The following LYPD6B variants were observed in gnomAD, a reference collection of about 807,000 sequenced individuals.
LYPD6B encodes the protein ly6/PLAUR domain-containing protein 6B.
In LYPD6B, 17 loss-of-function variants were observed where a neutral mutation model predicts 22.8. That is an observed-to-expected ratio of 0.75 (90% CI 0.51 to 1.12). LYPD6B has a LOEUF of 1.12. Among genes scored for constraint, LYPD6B ranks in the 50% most tolerant of loss-of-function variants. The probability of loss-of-function intolerance (pLI) is 0.00; values close to 1 mark genes in which losing one functional copy is unlikely to be tolerated. For missense variants in LYPD6B, 221 were observed against 258.3 expected (o/e 0.86, Z 0.99); for synonymous variants, 106 against 91.6 (o/e 1.16, Z -0.90).
chr2:149,167,257 A>G (rs1357437090), intron 3 of LYPD6B, among the ~76,000 whole-genome samples: 2 of 152,158 alleles, frequency 1.3e-5, no homozygotes, highest in Non-Finnish European at 2.9e-5. Flanking sequence ...AGAATGGCCC[A>G]GGACAGACTA....
In LYPD6B at chr2:149,191,634, A is replaced by G. The variant is rs576742174; in HGVS notation, c.78-13619A>G. The stretch of plus-strand genomic sequence containing the variant: ...CTAGTCATTCTCCAAATGAAATAGT[A>G]AATTACCTACTCCAACTCATACTAT... On this transcript the variant is annotated intron_variant, in intron 3 of 6. Transcript: ENST00000409642. Among the ~76,000 whole-genome samples the G allele has an allele frequency of 3.9e-5, 6 of 152,326 alleles. No homozygotes were observed. The East Asian group carries it at 1.2e-3, about 29-fold the overall frequency.
At chr2:149,099,226 A>G (rs1467188431) in intron 1 of LYPD6B, among the ~76,000 whole-genome samples, 1 of 152,150 alleles carries the variant, frequency 6.6e-6, no homozygotes, top group Non-Finnish European at 1.5e-5. Context: ...GTTAAACCCG[A>G]ATTACAGTAA....
At chr2:149,125,407 A>G (rs1687642733) in intron 1 of LYPD6B, among the ~76,000 whole-genome samples, 1 of 152,168 alleles carries the variant, frequency 6.6e-6, no homozygotes, top group African/African-American at 2.4e-5. Context: ...TCTTCCACCC[A>G]GGGAAGCCAC....
rs118050149 is a variant in LYPD6B, at chr2:149,105,853, G to T, written c.-66-25030G>T. On this transcript the variant is annotated intron_variant, in intron 1 of 6. Transcript: ENST00000409642. Reference sequence around the variant, plus strand: ...AATACTGAACAGAATGGTGAGAGCAGACATCTTTGTTTCTCCTCATAAGGG... The same window carrying T: ...AATACTGAACAGAATGGTGAGAGCATACATCTTTGTTTCTCCTCATAAGGG... Among the ~76,000 whole-genome samples the T allele has an allele frequency of 7.9e-5, 12 of 152,208 alleles. No individual in the cohort carries two copies. In the East Asian group the frequency reaches 2.3e-3, roughly 29 times the overall value.
intron 1 of LYPD6B, among the ~76,000 whole-genome samples, chr2:149,128,980 C>T (rs1263097158): frequency 6.6e-6 from 1 of 152,166 alleles, no homozygotes; most frequent in African/African-American, 2.4e-5. Context: ...GGAGACTTTA[C>T]CTGGGGAACC....
At chr2:149,161,981 G>C (rs146225102) in intron 3 of LYPD6B, among the ~76,000 whole-genome samples, 2 of 152,172 alleles carry the variant, frequency 1.3e-5, no homozygotes, top group Admixed American at 1.3e-4. Flanking sequence ...GGCATATTGG[G>C]TGGAATGTGA....
chr2:149,142,981 C>A (rs1289332565), intron 2 of LYPD6B, among the ~76,000 whole-genome samples: 1 of 152,174 alleles, frequency 6.6e-6, no homozygotes, highest in Non-Finnish European at 1.5e-5. Flanking sequence ...ACAAAGAGTT[C>A]ACATATACCC....
chr2:149,143,894 G>A (rs2105785146), intron 2 of LYPD6B: 1 of 152,260 alleles, frequency 6.6e-6, no homozygotes. Flanking sequence ...GGCAAAGAAA[G>A]GATTCTGTGG....
chr2:149,136,279 T>C (rs1438926660), intron 2 of LYPD6B, among the ~76,000 whole-genome samples: 1 of 152,212 alleles, frequency 6.6e-6, no homozygotes, highest in African/African-American at 2.4e-5. Context: ...TGCCTGAAAG[T>C]ATTTATCTGA....
chr2:149,165,350 T>G (rs1439066897), intron 3 of LYPD6B, among the ~76,000 whole-genome samples: 1 of 152,200 alleles, frequency 6.6e-6, no homozygotes, highest in Non-Finnish European at 1.5e-5. Flanking sequence ...CTGCAAAGAA[T>G]GCATGGCCAT....
intron 3 of LYPD6B, among the ~76,000 whole-genome samples, chr2:149,176,407 T>C (rs1691311782): frequency 6.6e-6 from 1 of 152,198 alleles, no homozygotes; most frequent in Non-Finnish European, 1.5e-5. Context: ...AACCACCTGG[T>C]GAGCTCAGGA....
chr2:149,140,127 A>C (rs1369653075), intron 2 of LYPD6B, among the ~76,000 whole-genome samples: 1 of 152,170 alleles, frequency 6.6e-6, no homozygotes, highest in Non-Finnish European at 1.5e-5. Context: ...CTCCCAGAGG[A>C]CCATGTGCAT....
chr2:149,141,275 G>C (rs929063629), intron 2 of LYPD6B, among the ~76,000 whole-genome samples: 1 of 152,192 alleles, frequency 6.6e-6, no homozygotes, highest in South Asian at 2.1e-4. Context: ...GGAACCATGC[G>C]TGCAAAGTCC....
At chr2:149,209,481 T>C (rs1693707462) in intron 5 of LYPD6B, among the ~76,000 whole-genome samples, 1 of 152,144 alleles carries the variant, frequency 6.6e-6, no homozygotes, top group South Asian at 2.1e-4. Flanking sequence ...TTTTAGGATG[T>C]ACTGTTTTTT....
chr2:149,055,047 C>T (rs1451644782), intron 1 of LYPD6B, among the ~76,000 whole-genome samples: 1 of 152,010 alleles, frequency 6.6e-6, no homozygotes, highest in Non-Finnish European at 1.5e-5. Flanking sequence ...GATATTTGAT[C>T]TATTTTTAGT....
chr2:149,129,894 C>G (rs1262212560), intron 1 of LYPD6B, among the ~76,000 whole-genome samples: 1 of 150,740 alleles, frequency 6.6e-6, no homozygotes, highest in Non-Finnish European at 1.5e-5. Flanking sequence ...GACCTGCCAA[C>G]AAGGCGTGGT....
At chr2:149,109,022 A>T (rs1044747982) in intron 1 of LYPD6B, among the ~76,000 whole-genome samples, 3 of 152,130 alleles carry the variant, frequency 2.0e-5, no homozygotes, top group Non-Finnish European at 4.4e-5. Flanking sequence ...TACATATGTA[A>T]GGGTCCCCAC....
intron 1 of LYPD6B, among the ~76,000 whole-genome samples, chr2:149,111,899 G>A (rs1227525478): frequency 6.6e-6 from 1 of 152,144 alleles, no homozygotes; most frequent in East Asian, 1.9e-4. Context: ...GATATCCTAG[G>A]AGCCAAGAGA....
At chr2:149,145,402 A>G (rs1219523713) in intron 2 of LYPD6B, among the ~76,000 whole-genome samples, 1 of 152,196 alleles carries the variant, frequency 6.6e-6, no homozygotes, top group African/African-American at 2.4e-5. Flanking sequence ...TAAGATACTA[A>G]CAGTTTACTT....
Sources: allele counts gnomAD v4.1 joint callset (sites outside exome capture counted in the v4.1 genomes callset), GRCh38; gene constraint gnomAD v4.1.1; transcripts MANE v1.5; gene names NCBI Gene and HGNC (gene_info 2026-07-23, HGNC 2026-07-21).